STXBP4: variants seen among roughly 807,000 people sequenced by gnomAD.
STXBP4 encodes syntaxin binding protein 4.
Under a neutral mutation model 76.1 loss-of-function variants are expected in STXBP4, and 55 were observed. The ratio of observed to expected loss-of-function variants is 0.72; its 90% CI spans 0.58 to 0.91. The LOEUF is 0.91. Ranked by LOEUF, STXBP4 falls within the 40% of genes least tolerant of loss-of-function variation. The probability of loss-of-function intolerance (pLI) is 0.00; values close to 1 mark genes in which losing one functional copy is unlikely to be tolerated. For synonymous variants in STXBP4, 201 were observed against 220.2 expected (o/e 0.91, Z 0.77); for missense variants, 618 against 636.9 (o/e 0.97, Z 0.32).
chr17:54,973,694 C>A (rs114438980), intron 1 of STXBP4, among the ~76,000 whole-genome samples: 6 of 152,122 alleles, frequency 3.9e-5, no homozygotes, highest in Admixed American at 3.9e-4. Context: ...TAAATTGTTA[C>A]GATAACTAAT....
At chr17:55,066,162 C>G (rs1467418415) in intron 12 of STXBP4, among the ~76,000 whole-genome samples, 2 of 152,090 alleles carry the variant, frequency 1.3e-5, no homozygotes, top group Non-Finnish European at 2.9e-5. Context: ...AGAACATGCA[C>G]TGTATTTCTC....
intron 17 of STXBP4, among the ~76,000 whole-genome samples, chr17:55,148,666 G>A (rs561695257): frequency 6.6e-6 from 1 of 152,176 alleles, no homozygotes; most frequent in African/African-American, 2.4e-5. Flanking sequence ...AGCTTCCCGA[G>A]TAGCTGGGAT....
At chr17:55,117,922 TC>T (rs1245759455) in intron 16 of STXBP4, among the ~76,000 whole-genome samples, 1 of 151,954 alleles carries the variant, frequency 6.6e-6, no homozygotes, top group Non-Finnish European at 1.5e-5. Context: ...GACACAGTCT[TC>T]CTGGAACATA....
chr17:55,057,569 GGGATA>G (rs2078943228), intron 12 of STXBP4, among the ~76,000 whole-genome samples: 1 of 152,034 alleles, frequency 6.6e-6, no homozygotes, highest in Non-Finnish European at 1.5e-5. Flanking sequence ...TTTGAGTTCT[GGGATA>G]CATGTGCAGA....
chr17:55,005,595 T>TA (rs1173733022), intron 7 of STXBP4, among the ~76,000 whole-genome samples: 10 of 152,192 alleles, frequency 6.6e-5, no homozygotes, highest in Admixed American at 5.9e-4. Flanking sequence ...GTTGTAGGTG[T>TA]TCCTGTCTCA....
At chr17:55,201,655 C>T in the STXBP4 span, among the ~76,000 whole-genome samples, 389 of 152,284 alleles carry the variant, frequency 2.6e-3, 3 homozygotes, top group African/African-American at 9.0e-3. Context: ...CCAATCAAGA[C>T]GTTACTGCTA....
intron 12 of STXBP4, among the ~76,000 whole-genome samples, chr17:55,063,706 C>T (rs1186932705): frequency 6.6e-6 from 1 of 152,082 alleles, no homozygotes; most frequent in Non-Finnish European, 1.5e-5. Context: ...TTCTAGAAAG[C>T]ATTTCATAAT....
intron 8 of STXBP4, among the ~76,000 whole-genome samples, chr17:55,008,863 C>T (rs186067110): frequency 1.1e-3 from 166 of 152,220 alleles, no homozygotes; most frequent in Non-Finnish European, 1.9e-3. Flanking sequence ...AAAGACCTTC[C>T]GGCTTCTGCT....
chr17:54,986,833 T>A (rs1175383195), intron 3 of STXBP4, among the ~76,000 whole-genome samples: 1 of 152,202 alleles, frequency 6.6e-6, no homozygotes, highest in African/African-American at 2.4e-5. Flanking sequence ...TTCTCATGAT[T>A]CAGTGGGTTG....
At chr17:55,038,849 C>T (rs923604712) in intron 10 of STXBP4, among the ~76,000 whole-genome samples, 1 of 151,990 alleles carries the variant, frequency 6.6e-6, no homozygotes, top group Non-Finnish European at 1.5e-5. Context: ...CTTGTTAAGT[C>T]AATTTAGTGG....
downstream of STXBP4, among the ~76,000 whole-genome samples, chr17:55,175,973 C>A (rs564746020): frequency 2.0e-5 from 3 of 152,288 alleles, no homozygotes. Context: ...ACAGATGGAA[C>A]TGAGAGGCAG....
intron 16 of STXBP4, among the ~76,000 whole-genome samples, chr17:55,116,546 A>G (rs1307984041): frequency 2.0e-5 from 3 of 151,814 alleles, no homozygotes; most frequent in Admixed American, 6.6e-5. Context: ...CACAAATTTT[A>G]GTATCTGGCT....
chr17:54,984,547 G>A (rs932959664), intron 1 of STXBP4, among the ~76,000 whole-genome samples: 2 of 151,706 alleles, frequency 1.3e-5, no homozygotes, highest in African/African-American at 4.8e-5. Flanking sequence ...ATTTCACCGT[G>A]TTAGCCAGGA....
intron 1 of STXBP4, among the ~76,000 whole-genome samples, chr17:54,969,392 T>C (rs2077351095): frequency 6.6e-6 from 1 of 152,190 alleles, no homozygotes; most frequent in African/African-American, 2.4e-5. Context: ...TTTACTGTGT[T>C]AGAAGGAAGC....
intron 12 of STXBP4, among the ~76,000 whole-genome samples, chr17:55,048,080 T>C (rs2078813554): frequency 6.6e-6 from 1 of 151,866 alleles, no homozygotes; most frequent in African/African-American, 2.4e-5. Flanking sequence ...ACTTGGTGGT[T>C]CTTAGCACTA....
chr17:55,208,270 G>GT, the STXBP4 span, among the ~76,000 whole-genome samples: 1 of 151,986 alleles, frequency 6.6e-6, no homozygotes, highest in Non-Finnish European at 1.5e-5. Context: ...CCAAGTGACA[G>GT]GCAGAGAAAC....
At chr17:55,135,437 T>C (rs987301603) in intron 16 of STXBP4, among the ~76,000 whole-genome samples, 2 of 152,120 alleles carry the variant, frequency 1.3e-5, no homozygotes, top group Admixed American at 6.6e-5. Flanking sequence ...TCCAAAATCA[T>C]GTTTGTTAAT....
At chr17:55,115,387 G>A (rs1391966041) in intron 16 of STXBP4, among the ~76,000 whole-genome samples, 1 of 151,700 alleles carries the variant, frequency 6.6e-6, no homozygotes, top group South Asian at 2.1e-4. Context: ...TAGAGAAAAA[G>A]CTCACCTGTT....
chr17:55,081,200 T>C lies in STXBP4; in HGVS notation c.1489+17T>C. ...ATATGGATTGTAAGTTTTCTGCATT[T>C]TTTCACTTTTTAAAAGTAATTTATT... On this transcript the variant is annotated intron_variant, in intron 16 of 17. Coordinates refer to ENST00000376352, the MANE Select transcript of STXBP4 (RefSeq NM_178509.6). The C allele has an allele frequency of 7.1e-7, 1 of 1,415,022 alleles. No homozygotes were observed. Among genetic ancestry groups the C allele is most frequent in the South Asian group, 1.6e-5 (1 of 62,488 alleles). The allele number at this position is 1,415,022 out of a possible 1,614,324, so 87.7% of individuals were successfully genotyped here. A position where few individuals can be genotyped will look rare whatever the true frequency, so the allele number is the denominator to read the frequency against.
Sources: allele counts gnomAD v4.1 joint callset (sites outside exome capture counted in the v4.1 genomes callset), GRCh38; gene constraint gnomAD v4.1.1; transcripts MANE v1.5; gene names NCBI Gene and HGNC (gene_info 2026-07-23, HGNC 2026-07-21).